Variants in NELL1 observed in about 807,000 individuals in gnomAD.
NELL1 encodes protein kinase C-binding protein NELL1.
Under a neutral mutation model 107.4 loss-of-function variants are expected in NELL1, and 76 were observed. That is an observed-to-expected ratio of 0.71 (90% confidence interval 0.59 to 0.86). NELL1 has a LOEUF of 0.86. NELL1 is among the 40% of genes least tolerant of loss of function. NELL1 has a pLI of 0.00. For missense variants in NELL1, 1,024 were observed against 1,005.5 expected (o/e 1.02, Z -0.25); for synonymous variants, 353 against 341.2 (o/e 1.03, Z -0.38).
At chr11:20,731,118 C>T (rs1240616915) in intron 2 of NELL1, among the ~76,000 whole-genome samples, 2 of 152,086 alleles carry the variant, frequency 1.3e-5, no homozygotes, top group Non-Finnish European at 2.9e-5. Context: ...CCAAAAGGGG[C>T]ATTTGACACC....
intron 14 of NELL1, among the ~76,000 whole-genome samples, chr11:21,349,818 C>T (rs1850764227): frequency 6.6e-6 from 1 of 152,038 alleles, no homozygotes; most frequent in Non-Finnish European, 1.5e-5. Context: ...TAGATAGGTC[C>T]ATGTGTCCTC....
chr11:21,056,901 G>T, intron 12 of NELL1, among the ~76,000 whole-genome samples: 1 of 151,936 alleles, frequency 6.6e-6, no homozygotes, highest in East Asian at 1.9e-4. Context: ...AAATATGATT[G>T]AAAACCATGT....
chr11:20,817,475 G>A (rs1481097685), intron 3 of NELL1, among the ~76,000 whole-genome samples: 1 of 152,062 alleles, frequency 6.6e-6, no homozygotes, highest in Non-Finnish European at 1.5e-5. Flanking sequence ...TTTGATATCA[G>A]TTGTTATGTC....
At chr11:21,146,685 A>C (rs999916203) in intron 13 of NELL1, among the ~76,000 whole-genome samples, 1 of 152,216 alleles carries the variant, frequency 6.6e-6, no homozygotes, top group African/African-American at 2.4e-5. Flanking sequence ...GAGAACCACC[A>C]GTTCCCATAA....
chr11:21,015,297 A>G (rs1230185670), intron 12 of NELL1, among the ~76,000 whole-genome samples: 2 of 152,116 alleles, frequency 1.3e-5, no homozygotes. Flanking sequence ...TGAAAAGCCC[A>G]GAAGAGGGAG....
chr11:20,733,047 G>A (rs1040690440), intron 2 of NELL1, among the ~76,000 whole-genome samples: 6 of 152,078 alleles, frequency 3.9e-5, no homozygotes, highest in African/African-American at 1.2e-4. Flanking sequence ...CAATTTGTTC[G>A]ATTGTAAAAT....
At chr11:21,171,668 G>A (rs1343205412) in intron 13 of NELL1, among the ~76,000 whole-genome samples, 1 of 151,790 alleles carries the variant, frequency 6.6e-6, no homozygotes, top group East Asian at 1.9e-4. Flanking sequence ...TTAGGATATA[G>A]ATGCTGTTGT....
intron 12 of NELL1, among the ~76,000 whole-genome samples, chr11:20,970,625 G>A (rs922393888): frequency 1.3e-5 from 2 of 152,160 alleles, no homozygotes; most frequent in Non-Finnish European, 2.9e-5. Flanking sequence ...TCTGCAAGAA[G>A]AGGTATGCAG....
chr11:20,984,639 A>C (rs1364702672), intron 12 of NELL1, among the ~76,000 whole-genome samples: 1 of 150,396 alleles, frequency 6.6e-6, no homozygotes, highest in Non-Finnish European at 1.5e-5. Flanking sequence ...TCCTCCTTTA[A>C]CCTGGCCGGG....
chr11:21,060,582 G>A lies in NELL1; in HGVS notation c.1301-53007G>A, dbSNP rs547381367. 2.0e-5 allele frequency among the ~76,000 whole-genome samples: 3 copies of A among 152,286 alleles called. No homozygotes were observed. The East Asian group carries it at 5.8e-4, about 29-fold the overall frequency. ...CATTCCATTATGTAGCAAATAATGA[G>A]CCAGAGAGTTGGGAGAAGTAGAGTA... is the stretch of plus-strand genomic sequence containing the variant. On this transcript the variant is annotated intron_variant, in intron 12 of 19. Transcript: ENST00000357134.
At chr11:20,885,587 T>A (rs1221041678) in intron 5 of NELL1, 47 bp downstream of exon 5, 1 of 1,164,138 alleles carries the variant, frequency 8.6e-7, no homozygotes, top group African/African-American at 1.5e-5. Flanking sequence ...TAGGCGATGC[T>A]CAGTTTTCTG....
intron 5 of NELL1, among the ~76,000 whole-genome samples, chr11:20,896,088 G>A (rs945949257): frequency 6.6e-6 from 1 of 151,984 alleles, no homozygotes; most frequent in African/African-American, 2.4e-5. Context: ...CTCATCACCC[G>A]AGTGGTGTAC....
At chr11:20,823,817 G>A (rs1175471987) in intron 3 of NELL1, among the ~76,000 whole-genome samples, 3 of 151,200 alleles carry the variant, frequency 2.0e-5, no homozygotes, top group Non-Finnish European at 4.4e-5. Flanking sequence ...AAGGCTCATG[G>A]AAATCCTTCA....
chr11:21,341,153 CTCT>C (rs1278452272), intron 14 of NELL1, among the ~76,000 whole-genome samples: 2 of 152,110 alleles, frequency 1.3e-5, no homozygotes, highest in African/African-American at 4.8e-5. Flanking sequence ...ATGATATGTC[CTCT>C]TCTTGAAAAC....
intron 2 of NELL1, among the ~76,000 whole-genome samples, chr11:20,754,257 A>G (rs1856208487): frequency 6.6e-6 from 1 of 152,212 alleles, no homozygotes; most frequent in African/African-American, 2.4e-5. Context: ...TGATTTCAGT[A>G]GGGCCTTTAA....
At chr11:20,797,991 A>G (rs1222051871) in intron 3 of NELL1, among the ~76,000 whole-genome samples, 1 of 152,238 alleles carries the variant, frequency 6.6e-6, no homozygotes, top group Non-Finnish European at 1.5e-5. Flanking sequence ...TGGGCCATCT[A>G]GAGATGCTGC....
intron 14 of NELL1, among the ~76,000 whole-genome samples, chr11:21,268,490 C>A (rs1443612670): frequency 6.6e-6 from 1 of 152,126 alleles, no homozygotes; most frequent in Non-Finnish European, 1.5e-5. Flanking sequence ...ATACCCAACT[C>A]CAGCCACCTC....
At chr11:21,337,434 T>G (rs2032364) in intron 14 of NELL1, among the ~76,000 whole-genome samples, 2 of 151,408 alleles carry the variant, frequency 1.3e-5, no homozygotes, top group African/African-American at 4.9e-5. Flanking sequence ...GCTTTGGATC[T>G]TGCTCTTCCA....
In NELL1 at chr11:21,229,392, C is replaced by T. The variant is rs1857982217; in HGVS notation, c.1487C>T (p.Thr496Ile). Residue 496 changes from threonine (T) to isoleucine (I), a missense_variant, in exon 14 of 20, where the codon ACT becomes ATT. By Grantham distance (89) the Thr-to-Ile change is moderately conservative. Coordinates refer to ENST00000357134, the MANE Select transcript of NELL1 (RefSeq NM_006157.5). Reference sequence around the variant, plus strand: ...GATGAGAATGCCATCTGCACCAACACTGTCCAGGGACACAGCTGCACCTGC... The same window carrying T: ...GATGAGAATGCCATCTGCACCAACATTGTCCAGGGACACAGCTGCACCTGC... ...NCDENAICTN[T>I]VQGHSCTCKP... 3 of 1,614,012 alleles carry T rather than the reference C, an allele frequency of 1.9e-6. No individual in the cohort carries two copies. The highest frequency in any genetic ancestry group is 2.5e-6 in the Non-Finnish European group (3 of 1,179,934).
Sources: allele counts gnomAD v4.1 joint callset (sites outside exome capture counted in the v4.1 genomes callset), GRCh38; gene constraint gnomAD v4.1.1; transcripts MANE v1.5; gene names NCBI Gene and HGNC (gene_info 2026-07-23, HGNC 2026-07-21).